UNC5D: variants seen among roughly 807,000 people sequenced by gnomAD.
The protein encoded by UNC5D is unc-5 netrin receptor D.
Under a neutral mutation model 105.4 loss-of-function variants are expected in UNC5D, and 39 were observed. That is an observed-to-expected ratio of 0.37 (90% CI 0.29 to 0.48). The LOEUF (loss-of-function observed/expected upper bound fraction) is 0.48, where lower values mean the gene tolerates loss of function less well. Among genes scored for constraint, UNC5D ranks in the 20% least tolerant of loss-of-function variants. The pLI, the probability that UNC5D is intolerant of heterozygous loss-of-function variation, is 0.98. For synonymous variants in UNC5D, 452 were observed against 450.4 expected, an observed-to-expected ratio of 1.00 and a Z score of -0.04; for missense variants, 991 against 1,202.4, an observed-to-expected ratio of 0.82 and a Z score of 2.60.
chr8:35,360,296 T>C (rs1019157589), intron 1 of UNC5D, among the ~76,000 whole-genome samples: 2 of 152,214 alleles, frequency 1.3e-5, no homozygotes, highest in African/African-American at 4.8e-5. Flanking sequence ...CAGAAGATTG[T>C]AACATATTGA....
chr8:35,509,865 C>G (rs909192131), intron 1 of UNC5D, among the ~76,000 whole-genome samples: 1 of 152,068 alleles, frequency 6.6e-6, no homozygotes, highest in South Asian at 2.1e-4. Flanking sequence ...AACCCCTCCT[C>G]AAGTTTGATT....
At chr8:35,633,925 A>G (rs1822201601) in intron 4 of UNC5D, among the ~76,000 whole-genome samples, 1 of 152,248 alleles carries the variant, frequency 6.6e-6, no homozygotes, top group Admixed American at 6.5e-5. Context: ...TAAGAAAGGA[A>G]TGCGAAAGAT....
chr8:35,621,977 A>T (rs942621447), intron 4 of UNC5D, among the ~76,000 whole-genome samples: 2 of 152,190 alleles, frequency 1.3e-5, no homozygotes, highest in African/African-American at 4.8e-5. Flanking sequence ...TTGTTTTCTT[A>T]ACTGGAGATA....
intron 4 of UNC5D, among the ~76,000 whole-genome samples, chr8:35,619,184 G>A (rs921583396): frequency 1.6e-4 from 24 of 152,134 alleles, no homozygotes; most frequent in African/African-American, 5.6e-4. Context: ...AATCATAACA[G>A]CATTAATATA....
intron 1 of UNC5D, among the ~76,000 whole-genome samples, chr8:35,401,212 A>G (rs4452796): frequency 0.43 from 65,628 of 151,912 alleles, 14,496 homozygotes; most frequent in East Asian, 0.71. Flanking sequence ...GGCCAGGTGC[A>G]GTGGTTCACA....
intron 1 of UNC5D, among the ~76,000 whole-genome samples, chr8:35,295,105 T>C (rs1807383683): frequency 6.6e-6 from 1 of 152,198 alleles, no homozygotes; most frequent in Admixed American, 6.5e-5. Context: ...ATTACAGTAA[T>C]ACAGTGTGGA....
chr8:35,627,848 G>T (rs771815840), intron 4 of UNC5D, among the ~76,000 whole-genome samples: 1 of 152,124 alleles, frequency 6.6e-6, no homozygotes, highest in Non-Finnish European at 1.5e-5. Context: ...GCTCTCTTGA[G>T]CCCAGGAGGT....
At chr8:35,687,458 A>G (rs1826092037) in intron 7 of UNC5D, among the ~76,000 whole-genome samples, 1 of 151,878 alleles carries the variant, frequency 6.6e-6, no homozygotes, top group Non-Finnish European at 1.5e-5. Flanking sequence ...AAAAAAAAAA[A>G]AAAAAGTTAT....
At chr8:35,367,251 T>C (rs897409037) in intron 1 of UNC5D, among the ~76,000 whole-genome samples, 2 of 152,178 alleles carry the variant, frequency 1.3e-5, no homozygotes, top group Non-Finnish European at 2.9e-5. Context: ...CTTGCCTGTT[T>C]ATTGAAAGAG....
chr8:35,637,862 T>C (rs959561951), intron 4 of UNC5D, among the ~76,000 whole-genome samples: 4 of 152,200 alleles, frequency 2.6e-5, no homozygotes, highest in African/African-American at 4.8e-5. Flanking sequence ...AGCTGTTTTT[T>C]GAAATGTGAG....
At chr8:35,731,786 C>T (rs16884340) in intron 11 of UNC5D, among the ~76,000 whole-genome samples, 12,384 of 152,090 alleles carry the variant, frequency 0.081, 1,436 homozygotes, top group African/African-American at 0.26. Flanking sequence ...GATCCTTTTA[C>T]GGTAGGCAGA....
intron 4 of UNC5D, among the ~76,000 whole-genome samples, chr8:35,683,046 T>A (rs1825773523): frequency 6.6e-6 from 1 of 152,234 alleles, no homozygotes; most frequent in African/African-American, 2.4e-5. Context: ...AAATCTGTAT[T>A]ACTTTAGCCT....
At chr8:35,632,067 C>T (rs1176329498) in intron 4 of UNC5D, among the ~76,000 whole-genome samples, 1 of 152,148 alleles carries the variant, frequency 6.6e-6, no homozygotes, top group Non-Finnish European at 1.5e-5. Flanking sequence ...CTGTTCTTCC[C>T]CAGCTCAAGC....
At chr8:35,613,732 C>T (rs1820845564) in intron 4 of UNC5D, among the ~76,000 whole-genome samples, 1 of 152,118 alleles carries the variant, frequency 6.6e-6, no homozygotes, top group Admixed American at 6.5e-5. Context: ...GCTTGTAATT[C>T]CAGCTACTTG....
intron 11 of UNC5D, 119 bp from the exon 12 acceptor site, chr8:35,748,408 A>T: frequency 9.2e-7 from 1 of 1,084,426 alleles, no homozygotes; most frequent in African/African-American, 1.6e-5. Flanking sequence ...GTAAAAGAAA[A>T]TCCTGGAAAG....
chr8:35,740,941 G>T (rs1339401204), intron 11 of UNC5D, among the ~76,000 whole-genome samples: 1 of 152,114 alleles, frequency 6.6e-6, no homozygotes, highest in Non-Finnish European at 1.5e-5. Context: ...TCTCTATCCA[G>T]AATATAAGTG....
chr8:35,285,380 C>T (rs957226347), intron 1 of UNC5D, among the ~76,000 whole-genome samples: 2 of 152,138 alleles, frequency 1.3e-5, no homozygotes, highest in African/African-American at 2.4e-5. Flanking sequence ...ACCGTTGTCC[C>T]GAATGTTTGG....
At position 35,595,657 on chromosome 8, in the gene UNC5D, G is replaced by T; in HGVS notation, c.570G>T (p.Glu190Asp). 1 of 1,613,886 alleles carries T rather than the reference G, an allele frequency of 6.2e-7. No homozygotes were observed. Among genetic ancestry groups the T allele is most frequent in the Non-Finnish European group, 8.5e-7 (1 of 1,179,890 alleles). The change falls in exon 4 of 17, where the codon GAG (glutamate) becomes GAT (aspartate). Residue 190 changes from glutamate (E) to aspartate (D), a missense_variant and splice_region_variant. By Grantham distance (45) the Glu-to-Asp change is conservative. Around this residue, in one of 3 missense-constraint regions of UNC5D, gnomAD observed 944 missense variants for 1,131.6 expected, o/e 0.83. Transcript: ENST00000404895. ...CACCAGAGGGAGTCCCTGCTGCCGA[G>T]GTAAGACAGGATCCTGGGACCAGTC... ...CRPPEGVPAAEVEWLKNEEPI... is the reference protein window; with the variant it reads ...CRPPEGVPAADVEWLKNEEPI...
chr8:35,578,098 G>A (rs1415805998), intron 3 of UNC5D, among the ~76,000 whole-genome samples: 2 of 151,612 alleles, frequency 1.3e-5, no homozygotes, highest in Non-Finnish European at 2.9e-5. Context: ...GGTGGTGCCT[G>A]CCTGTAATCC....
Sources: allele counts gnomAD v4.1 joint callset (sites outside exome capture counted in the v4.1 genomes callset), GRCh38; gene constraint gnomAD v4.1.1; regional missense constraint gnomAD v4.1.1; transcripts MANE v1.5; gene names NCBI Gene and HGNC (gene_info 2026-07-23, HGNC 2026-07-21).